CFAP299: variants seen among roughly 807,000 people sequenced by gnomAD.
CFAP299 encodes the protein cilia- and flagella-associated protein 299.
CFAP299 carries 21 observed loss-of-function variants against 27.0 expected under a neutral mutation model. That is an observed-to-expected ratio of 0.78 (90% CI 0.55 to 1.12). The LOEUF (loss-of-function observed/expected upper bound fraction) is 1.12, where lower values mean the gene tolerates loss of function less well. Among genes scored for constraint, CFAP299 ranks in the 50% most tolerant of loss-of-function variants. The probability of loss-of-function intolerance (pLI) is 0.00; values close to 1 mark genes in which losing one functional copy is unlikely to be tolerated. For synonymous variants in CFAP299, 104 were observed against 98.1 expected (o/e 1.06, Z -0.36); for missense variants, 310 against 276.6 (o/e 1.12, Z -0.86).
intron 2 of CFAP299, among the ~76,000 whole-genome samples, chr4:80,545,739 A>G (rs777651252): frequency 1.3e-5 from 2 of 152,202 alleles, no homozygotes; most frequent in African/African-American, 2.4e-5. Flanking sequence ...TCTCTAACTC[A>G]TCCTCTGAAG....
chr4:80,562,202 T>G (rs1164518255), intron 2 of CFAP299, among the ~76,000 whole-genome samples: 1 of 151,708 alleles, frequency 6.6e-6, no homozygotes, highest in African/African-American at 2.4e-5. Flanking sequence ...AAAATCACCT[T>G]CACTAAAAGA....
chr4:80,679,450 C>A (rs1002626435), intron 3 of CFAP299, among the ~76,000 whole-genome samples: 11 of 151,918 alleles, frequency 7.2e-5, no homozygotes, highest in Non-Finnish European at 1.5e-4. Context: ...GAGTGTGAAT[C>A]CTATGTAGTA....
At chr4:80,672,595 G>T (rs1560690257) in intron 3 of CFAP299, among the ~76,000 whole-genome samples, 1 of 152,158 alleles carries the variant, frequency 6.6e-6, no homozygotes, top group African/African-American at 2.4e-5. Flanking sequence ...GCTCCTATTT[G>T]TACCTCTGGT....
chr4:80,774,343 T>C (rs918765898), intron 3 of CFAP299, among the ~76,000 whole-genome samples: 6 of 151,922 alleles, frequency 3.9e-5, no homozygotes, highest in Admixed American at 3.3e-4. Flanking sequence ...AAAATAATAA[T>C]AATATTAACT....
chr4:80,597,316 G>A (rs1216787579), intron 3 of CFAP299, among the ~76,000 whole-genome samples: 1 of 152,076 alleles, frequency 6.6e-6, no homozygotes, highest in Non-Finnish European at 1.5e-5. Flanking sequence ...TTATATGATT[G>A]TTAATGAGGG....
At chr4:80,447,730 G>A (rs1282820228) in intron 2 of CFAP299, among the ~76,000 whole-genome samples, 1 of 152,082 alleles carries the variant, frequency 6.6e-6, no homozygotes, top group Admixed American at 6.6e-5. Context: ...TAAGATTACG[G>A]GTGTGAGCCA....
intron 2 of CFAP299, among the ~76,000 whole-genome samples, chr4:80,410,358 C>T (rs1000822840): frequency 2.0e-5 from 3 of 152,140 alleles, no homozygotes; most frequent in Non-Finnish European, 4.4e-5. Flanking sequence ...CACCTCAGTG[C>T]AGGGAAATAC....
At chr4:80,550,063 C>G (rs1001177757) in intron 2 of CFAP299, among the ~76,000 whole-genome samples, 9 of 151,736 alleles carry the variant, frequency 5.9e-5, no homozygotes, top group Non-Finnish European at 1.0e-4. Flanking sequence ...CCCAAAATAT[C>G]TTTGTACTTC....
chr4:80,630,849 C>T (rs920256296), intron 3 of CFAP299, among the ~76,000 whole-genome samples: 2 of 151,992 alleles, frequency 1.3e-5, no homozygotes, highest in African/African-American at 4.8e-5. Context: ...CTTACACATA[C>T]ATACTTAAGA....
At chr4:80,811,980 G>C (rs1288678492) in intron 3 of CFAP299, among the ~76,000 whole-genome samples, 2 of 152,026 alleles carry the variant, frequency 1.3e-5, no homozygotes, top group African/African-American at 2.4e-5. Context: ...TAAAGAAAAA[G>C]AAGCTAAAAG....
intron 3 of CFAP299, among the ~76,000 whole-genome samples, chr4:80,681,251 TG>T (rs1263517152): frequency 6.6e-6 from 1 of 152,124 alleles, no homozygotes; most frequent in Non-Finnish European, 1.5e-5. Context: ...TCCCCTCCTG[TG>T]ACAGAGGAAA....
chr4:80,800,302 A>G (rs1194633204), intron 3 of CFAP299, among the ~76,000 whole-genome samples: 5 of 74,786 alleles, frequency 6.7e-5, no homozygotes, highest in Non-Finnish European at 1.1e-4. Context: ...AATATATATA[A>G]TATATAAGAT....
At chr4:80,913,966 G>T (rs1412379848) in intron 4 of CFAP299, among the ~76,000 whole-genome samples, 1 of 151,982 alleles carries the variant, frequency 6.6e-6, no homozygotes, top group African/African-American at 2.4e-5. Context: ...TTTTGGCTAT[G>T]GCTTCTTTCC....
intron 3 of CFAP299, among the ~76,000 whole-genome samples, chr4:80,612,621 A>G (rs1469760676): frequency 6.6e-6 from 1 of 152,100 alleles, no homozygotes; most frequent in Non-Finnish European, 1.5e-5. Flanking sequence ...CTATTTGTTT[A>G]CCCAAACTAT....
intron 3 of CFAP299, among the ~76,000 whole-genome samples, chr4:80,761,901 A>C (rs963159507): frequency 9.2e-5 from 14 of 152,040 alleles, no homozygotes; most frequent in African/African-American, 3.4e-4. Flanking sequence ...ATAAATTATG[A>C]ATCTACAAAC....
chr4:80,656,382 C>T (rs1047598514), intron 3 of CFAP299, among the ~76,000 whole-genome samples: 34 of 152,134 alleles, frequency 2.2e-4, no homozygotes, highest in Middle Eastern at 3.4e-3. Flanking sequence ...CCTAGTGCCC[C>T]AGCCCCCGAC....
At chr4:80,829,939 G>A (rs779727972) in intron 3 of CFAP299, among the ~76,000 whole-genome samples, 17 of 152,006 alleles carry the variant, frequency 1.1e-4, no homozygotes, top group Non-Finnish European at 2.4e-4. Context: ...GGGAATGGGA[G>A]CTTATTGCTT....
At chr4:80,420,359 C>G (rs907966679) in intron 2 of CFAP299, 14 of 343,880 alleles carry the variant, frequency 4.1e-5, no homozygotes, top group African/African-American at 2.8e-4. Flanking sequence ...TGCAGGCCCT[C>G]TGAACAGTCA....
intron 3 of CFAP299, among the ~76,000 whole-genome samples, chr4:80,816,273 TA>T (rs1560426938): frequency 6.6e-6 from 1 of 152,090 alleles, no homozygotes; most frequent in Non-Finnish European, 1.5e-5. Flanking sequence ...CTAGAGCCAA[TA>T]TGTGAACTGT....
Sources: gnomAD v4.1 joint callset for allele counts (sites outside exome capture counted in the v4.1 genomes callset) on GRCh38, gnomAD v4.1.1 for gene constraint, MANE v1.5 for transcripts, NCBI Gene and HGNC (gene_info 2026-07-23, HGNC 2026-07-21) for gene names.